MLIP: variants seen among roughly 807,000 people sequenced by gnomAD.
The protein encoded by MLIP is muscular LMNA interacting protein.
A neutral mutation model predicts 84.8 loss-of-function variants in MLIP; 79 were observed. The ratio of observed to expected loss-of-function variants is 0.93; its 90% CI spans 0.78 to 1.12. The LOEUF (loss-of-function observed/expected upper bound fraction) is 1.12. Ranked by LOEUF, MLIP falls within the 50% of genes most tolerant of loss-of-function variation. The pLI, the probability that MLIP is intolerant of heterozygous loss-of-function variation, is 0.00. For synonymous variants in MLIP, 504 were observed against 463.0 expected (o/e 1.09, Z -1.14); for missense variants, 1,257 against 1,160.6 (o/e 1.08, Z -1.21).
intron 5 of MLIP, among the ~76,000 whole-genome samples, chr6:54,158,656 T>C (rs1774296461): frequency 1.3e-5 from 2 of 152,080 alleles, no homozygotes. Context: ...TATTTTTCAG[T>C]TGAATACTGA....
chr6:54,264,895 T>C (rs756541492), intron 13 of MLIP, among the ~76,000 whole-genome samples: 55 of 152,080 alleles, frequency 3.6e-4, no homozygotes, highest in African/African-American at 1.2e-3. Context: ...TGTCTCCTTC[T>C]TCTAGTCTAA....
intron 12 of MLIP, among the ~76,000 whole-genome samples, chr6:54,233,993 T>C (rs1471193363): frequency 6.6e-6 from 1 of 152,224 alleles, no homozygotes; most frequent in Non-Finnish European, 1.5e-5. Context: ...CATAAATGTC[T>C]TCTTTTGAGA....
At chr6:54,167,057 A>T (rs1198712000) in intron 8 of MLIP, among the ~76,000 whole-genome samples, 1 of 151,930 alleles carries the variant, frequency 6.6e-6, no homozygotes, top group Non-Finnish European at 1.5e-5. Flanking sequence ...GACTATGATT[A>T]TGCCATGGCT....
At chr6:54,147,340 A>C (rs1772958216) in intron 4 of MLIP, among the ~76,000 whole-genome samples, 1 of 152,166 alleles carries the variant, frequency 6.6e-6, no homozygotes, top group Non-Finnish European at 1.5e-5. Flanking sequence ...AATAGTAATA[A>C]ATGTCAACGT....
At chr6:54,167,357 T>C (rs538463494) in intron 8 of MLIP, among the ~76,000 whole-genome samples, 139 of 152,066 alleles carry the variant, frequency 9.1e-4, no homozygotes, top group African/African-American at 3.2e-3. Context: ...GCCTCCTTGT[T>C]GTGCCTTGGA....
intron 3 of MLIP, among the ~76,000 whole-genome samples, chr6:54,125,198 G>T (rs1770816674): frequency 6.6e-6 from 1 of 152,206 alleles, no homozygotes; most frequent in Non-Finnish European, 1.5e-5. Flanking sequence ...GTCAAGAAGA[G>T]TGTGCTTGGT....
intron 1 of MLIP, among the ~76,000 whole-genome samples, chr6:54,087,529 T>C (rs551857408): frequency 1.1e-4 from 16 of 152,228 alleles, no homozygotes; most frequent in African/African-American, 3.6e-4. Context: ...GAGGAATGAA[T>C]CTAATAGAGG....
chr6:54,252,237 T>C (rs1364528419), intron 12 of MLIP, among the ~76,000 whole-genome samples: 1 of 111,654 alleles, frequency 9.0e-6, no homozygotes, highest in Non-Finnish European at 1.6e-5. Context: ...TAACATATAA[T>C]ATATAAGTAT....
At chr6:54,135,069 C>T (rs1771688580) in intron 3 of MLIP, among the ~76,000 whole-genome samples, 1 of 151,980 alleles carries the variant, frequency 6.6e-6, no homozygotes, top group South Asian at 2.1e-4. Flanking sequence ...AAAATGATTG[C>T]ATAACTCCAA....
At chr6:54,056,510 G>A (rs1303968075) in intron 1 of MLIP, among the ~76,000 whole-genome samples, 2 of 152,134 alleles carry the variant, frequency 1.3e-5, no homozygotes, top group African/African-American at 4.8e-5. Context: ...GGGAATACTT[G>A]CAGAAGTAAA....
intron 4 of MLIP, among the ~76,000 whole-genome samples, chr6:54,147,232 C>T (rs2150516243): frequency 6.6e-6 from 1 of 152,260 alleles, no homozygotes; most frequent in East Asian, 1.9e-4. Context: ...TGGACACAGG[C>T]AGGCTCTTTA....
chr6:54,117,112 C>CTA (rs771005953), intron 1 of MLIP, among the ~76,000 whole-genome samples: 1 of 151,902 alleles, frequency 6.6e-6, no homozygotes, highest in Non-Finnish European at 1.5e-5. Context: ...GATAAAGGCC[C>CTA]TATATGGCAA....
intron 4 of MLIP, 60 bp downstream of exon 4, chr6:54,138,346 T>A (rs1772005403): frequency 6.8e-7 from 1 of 1,460,272 alleles, no homozygotes. Flanking sequence ...ATCTTTTTTT[T>A]TTCCCCAAGG....
chr6:54,247,616 G>A (rs987447222), intron 12 of MLIP, among the ~76,000 whole-genome samples: 1 of 152,174 alleles, frequency 6.6e-6, no homozygotes, highest in African/African-American at 2.4e-5. Context: ...TTGAAGTGTA[G>A]TTTGAAATAA....
Position 54,116,465 on chromosome 6 carries a change from C to A in MLIP, c.96+4890C>A, listed in dbSNP as rs543860404. ...AAGTATCATAGAACACTACTGTAAA[C>A]AATTATATACCAAAAAATTGGATAA... is the stretch of plus-strand genomic sequence containing the variant. On this transcript the variant is annotated intron_variant, in intron 1 of 13. Transcript: ENST00000502396. Among the ~76,000 whole-genome samples, 9 of 152,190 alleles carry A rather than the reference C, an allele frequency of 5.9e-5. No individual in the cohort carries two copies. In the South Asian group the frequency reaches 1.9e-3, roughly 32 times the overall value.
intron 1 of MLIP, among the ~76,000 whole-genome samples, chr6:54,031,861 A>G (rs572397404): frequency 2.0e-5 from 3 of 152,314 alleles, no homozygotes; most frequent in South Asian, 4.1e-4. Flanking sequence ...TATACAAAGC[A>G]CTAAATGCTG....
At chr6:54,110,206 A>T (rs2150405209), upstream of MLIP, among the ~76,000 whole-genome samples, 1 of 151,772 alleles carries the variant, frequency 6.6e-6, no homozygotes, top group South Asian at 2.1e-4. Flanking sequence ...AATGGTCTCG[A>T]TCTCCTGACC....
chr6:54,189,964 A>G (rs993338435), intron 10 of MLIP, 50 bp downstream of exon 10: 9 of 1,325,256 alleles, frequency 6.8e-6, no homozygotes, highest in African/African-American at 1.4e-5. Context: ...ATCTCTCAAG[A>G]GAGCTTTACC....
intron 12 of MLIP, among the ~76,000 whole-genome samples, chr6:54,236,371 C>T (rs9474768): frequency 0.089 from 13,498 of 152,130 alleles, 740 homozygotes; most frequent in East Asian, 0.2. Flanking sequence ...GAGGCCAAGG[C>T]GGCTGGATCA....
Sources: allele counts gnomAD v4.1 joint callset (sites outside exome capture counted in the v4.1 genomes callset), GRCh38; gene constraint gnomAD v4.1.1; transcripts MANE v1.5; gene names NCBI Gene and HGNC (gene_info 2026-07-23, HGNC 2026-07-21).